ALPL: variants seen among roughly 807,000 people sequenced by gnomAD.
The protein encoded by ALPL is alkaline phosphatase, biomineralization associated, also known as alkaline phosphatase, tissue-nonspecific isozyme.
A neutral mutation model predicts 51.3 loss-of-function variants in ALPL; 42 were observed. That is an observed-to-expected ratio of 0.82 (90% CI 0.64 to 1.06). ALPL has a LOEUF of 1.06. Ranked by LOEUF, ALPL falls within the 50% of genes least tolerant of loss-of-function variation. ALPL has a pLI of 0.00. For missense variants in ALPL, 589 were observed against 709.4 expected, an observed-to-expected ratio of 0.83 and a Z score of 1.93; for synonymous variants, 279 against 296.4, an observed-to-expected ratio of 0.94 and a Z score of 0.60.
chr1:21,577,821 C>A lies in ALPL; in HGVS notation c.*173C>A. The A allele has an allele frequency of 1.1e-6, 1 of 901,342 alleles. No individual in the cohort carries two copies. The highest frequency in any genetic ancestry group is 1.6e-6 in the Non-Finnish European group (1 of 609,530). The allele number at this position is 901,342 out of a possible 1,614,324, so 55.8% of individuals were successfully genotyped here. A position where few individuals can be genotyped will look rare whatever the true frequency, so the allele number is the denominator to read the frequency against. ...CCTCGCTCCCCTCTGGAATCTTCCCCAAGGGCCAAACCCACTTCTGGCCTC... is the reference window on the plus strand; with the variant it reads ...CCTCGCTCCCCTCTGGAATCTTCCCAAAGGGCCAAACCCACTTCTGGCCTC... On this transcript the variant is annotated 3_prime_UTR_variant, in exon 12 of 12. Transcript: ENST00000374840.
In ALPL at chr1:21,531,179, G is replaced by A. The variant is rs563955747; in HGVS notation, c.-105+21662G>A. On this transcript the variant is annotated intron_variant, in intron 1 of 11. Transcript: ENST00000374840. ...TCACCATGTTGGCCAGGCTGGTCTC[G>A]AACTCCTGGTCTCAAGTGATCCACC... Among the ~76,000 whole-genome samples, 3 of 152,118 alleles carry A rather than the reference G, an allele frequency of 2.0e-5. No individual in the cohort carries two copies. The South Asian group carries it at 6.2e-4, about 32-fold the overall frequency.
At chr1:21,567,128 G>C (rs1234836188) in intron 6 of ALPL, among the ~76,000 whole-genome samples, 1 of 152,202 alleles carries the variant, frequency 6.6e-6, no homozygotes, top group Non-Finnish European at 1.5e-5. Flanking sequence ...GGGAGACAGA[G>C]TGGAGGATAG....
intron 1 of ALPL, among the ~76,000 whole-genome samples, chr1:21,524,215 G>T (rs1451829577): frequency 6.6e-6 from 1 of 152,012 alleles, no homozygotes; most frequent in Non-Finnish European, 1.5e-5. Context: ...TGTTGCTCAG[G>T]CTGGTCTCAA....
At position 21,564,282 on chromosome 1, in the gene ALPL, C is replaced by T. The variant is rs1644532365; in HGVS notation, c.648+66C>T. On this transcript the variant is annotated intron_variant, in intron 6 of 11. Coordinates refer to ENST00000374840, the MANE Select transcript of ALPL (RefSeq NM_000478.6). The surrounding 1 kb of genome is among the most constrained non-coding windows in gnomAD (Gnocchi z 5.8). Reference sequence around the variant, plus strand: ...GGGGCCTCTGGTGGGCAGGAGGCCTCAGGCCCAGGCTGGCCCGGAGAAAGC... The same window carrying T: ...GGGGCCTCTGGTGGGCAGGAGGCCTTAGGCCCAGGCTGGCCCGGAGAAAGC... 1 of 1,591,054 alleles carries T rather than the reference C, an allele frequency of 6.3e-7. No homozygotes were observed. Among genetic ancestry groups the T allele is most frequent in the Non-Finnish European group, 8.6e-7 (1 of 1,167,456 alleles).
intron 1 of ALPL, among the ~76,000 whole-genome samples, chr1:21,552,114 TTCCCTTTCC>T (rs1244697331): frequency 1.9e-5 from 1 of 51,442 alleles, no homozygotes; most frequent in Non-Finnish European, 3.6e-5. Context: ...TTTCCTCCCC[TTCCCTTTCC>T]TCCCTCCCCT....
intron 4 of ALPL, 25 bp from the exon 5 acceptor site, chr1:21,563,085 C>T: frequency 6.2e-7 from 1 of 1,613,298 alleles, no homozygotes; most frequent in Non-Finnish European, 8.5e-7. Context: ...CTGGCCATCT[C>T]CTGACCCTCC....
intron 1 of ALPL, among the ~76,000 whole-genome samples, chr1:21,518,580 C>T (rs1416352452): frequency 6.6e-6 from 1 of 152,030 alleles, no homozygotes; most frequent in Non-Finnish European, 1.5e-5. Context: ...TGAAACTGAG[C>T]TCTTTCTTTT....
intron 6 of ALPL, among the ~76,000 whole-genome samples, chr1:21,565,317 A>G (rs1342230123): frequency 6.6e-6 from 1 of 152,022 alleles, no homozygotes; most frequent in Non-Finnish European, 1.5e-5. Context: ...AGGCCAAGCC[A>G]CTCATCCTGG....
chr1:21,517,978 TTG>T (rs910139991), intron 1 of ALPL, among the ~76,000 whole-genome samples: 2 of 151,814 alleles, frequency 1.3e-5, no homozygotes, highest in African/African-American at 4.8e-5. Flanking sequence ...GATTTGGTCA[TTG>T]TGTGGGTGGG....
At chr1:21,549,803 TC>T (rs1214345054) in intron 1 of ALPL, among the ~76,000 whole-genome samples, 2 of 152,102 alleles carry the variant, frequency 1.3e-5, no homozygotes, top group Non-Finnish European at 2.9e-5. Flanking sequence ...TTACAATAGT[TC>T]CCCAAAAAGC....
chr1:21,534,925 C>T (rs908999737), intron 1 of ALPL, among the ~76,000 whole-genome samples: 23 of 152,150 alleles, frequency 1.5e-4, no homozygotes, highest in African/African-American at 5.3e-4. Context: ...AAACTGCAAA[C>T]CTCCCTGTCC....
At chr1:21,528,182 G>C (rs1643975719) in intron 1 of ALPL, among the ~76,000 whole-genome samples, 1 of 151,440 alleles carries the variant, frequency 6.6e-6, no homozygotes, top group African/African-American at 2.4e-5. Flanking sequence ...ACCACACCCA[G>C]GTAATTTTTG....
At chr1:21,549,691 G>T (rs1644296436) in intron 1 of ALPL, among the ~76,000 whole-genome samples, 1 of 152,158 alleles carries the variant, frequency 6.6e-6, no homozygotes, top group East Asian at 1.9e-4. Context: ...TCAAACACCT[G>T]ACCTTAAGGG....
intron 2 of ALPL, among the ~76,000 whole-genome samples, chr1:21,555,750 A>G (rs1474834872): frequency 6.6e-6 from 1 of 150,498 alleles, no homozygotes; most frequent in African/African-American, 2.4e-5. Flanking sequence ...TCACTAGTGA[A>G]CTCATCTTCA....
At chr1:21,554,815 G>T (rs6660583) in intron 2 of ALPL, among the ~76,000 whole-genome samples, 43,377 of 82,124 alleles carry the variant, frequency 0.53, 8,411 homozygotes, top group East Asian at 0.64. Context: ...CTGTCTGTCT[G>T]TCTTTCTTTC....
intron 1 of ALPL, among the ~76,000 whole-genome samples, chr1:21,536,584 T>C (rs907846548): frequency 1.3e-5 from 2 of 152,142 alleles, no homozygotes; most frequent in African/African-American, 2.4e-5. Flanking sequence ...GGTTGCTTCC[T>C]CTTCAGGCTA....
intron 1 of ALPL, among the ~76,000 whole-genome samples, chr1:21,519,405 C>T (rs1227646686): frequency 3.3e-5 from 5 of 152,230 alleles, no homozygotes; most frequent in Admixed American, 2.0e-4. Context: ...GAGTGCGATA[C>T]GTCTTTGCCC....
At chr1:21,546,924 G>A (rs574861056) in intron 1 of ALPL, among the ~76,000 whole-genome samples, 2 of 152,340 alleles carry the variant, frequency 1.3e-5, no homozygotes, top group South Asian at 4.1e-4. Flanking sequence ...TAGATGGGCT[G>A]GAACAGCTGC....
At chr1:21,554,881 CTT>C (rs1436755967) in intron 2 of ALPL, among the ~76,000 whole-genome samples, 8 of 138,388 alleles carry the variant, frequency 5.8e-5, no homozygotes, top group African/African-American at 2.2e-4. Flanking sequence ...TTCTCTCTTT[CTT>C]TCTTTTTCTT....
Sources: gnomAD v4.1 joint callset for allele counts (sites outside exome capture counted in the v4.1 genomes callset) on GRCh38, gnomAD v4.1.1 for gene constraint, Gnocchi (gnomAD v3.1) non-coding constraint, MANE v1.5 for transcripts, NCBI Gene and HGNC (gene_info 2026-07-23, HGNC 2026-07-21) for gene names.